The following ZC3H12B variants were observed in gnomAD, a reference collection of about 807,000 sequenced individuals.
ZC3H12B encodes probable ribonuclease ZC3H12B.
A neutral mutation model predicts 43.9 loss-of-function variants in ZC3H12B; 7 were observed. That is an observed-to-expected ratio of 0.16 (90% CI 0.09 to 0.30). ZC3H12B has a LOEUF of 0.30. Among genes scored for constraint, ZC3H12B ranks in the 10% least tolerant of loss-of-function variants. ZC3H12B has a pLI of 1.00. For missense variants in ZC3H12B, 475 were observed against 670.2 expected, an observed-to-expected ratio of 0.71 and a Z score of 3.22; for synonymous variants, 222 against 241.7, an observed-to-expected ratio of 0.92 and a Z score of 0.76.
At chrX:65,165,789 A>C in the ZC3H12B span, among the ~76,000 whole-genome samples, 1 of 112,385 alleles carries the variant, frequency 8.9e-6, no homozygotes, top group Non-Finnish European at 1.9e-5. Flanking sequence ...AGAATGATTT[A>C]TAATCTTTTG....
the ZC3H12B span, among the ~76,000 whole-genome samples, chrX:65,340,937 A>G: frequency 8.9e-6 from 1 of 112,339 alleles, no homozygotes; most frequent in Non-Finnish European, 1.9e-5. Context: ...TTGAAACCCA[A>G]TCTAAGGAAG....
intron 3 of ZC3H12B, among the ~76,000 whole-genome samples, chrX:65,467,362 C>A (rs1284364665): frequency 9.0e-6 from 1 of 110,967 alleles, no homozygotes; most frequent in Non-Finnish European, 1.9e-5. Flanking sequence ...TTGGTGGGCA[C>A]TTATGTTGGT....
chrX:65,279,514 C>G, the ZC3H12B span, among the ~76,000 whole-genome samples: 1 of 110,795 alleles, frequency 9.0e-6, no homozygotes, highest in African/African-American at 3.3e-5. Context: ...ACTGGCTAGC[C>G]ATATGCAGAA....
chrX:65,425,275 G>T (rs1193833604), intron 3 of ZC3H12B, among the ~76,000 whole-genome samples: 1 of 110,346 alleles, frequency 9.1e-6, no homozygotes, highest in Non-Finnish European at 1.9e-5. Flanking sequence ...CTTGCCTGTT[G>T]TTGATGTATA....
the ZC3H12B span, among the ~76,000 whole-genome samples, chrX:65,252,264 C>T: frequency 9.0e-6 from 1 of 111,062 alleles, no homozygotes; most frequent in African/African-American, 3.3e-5. Flanking sequence ...GTTGAACCAG[C>T]CTTGCATCCC....
the ZC3H12B span, among the ~76,000 whole-genome samples, chrX:65,236,008 G>C: frequency 3.6e-5 from 4 of 112,064 alleles, no homozygotes; most frequent in Admixed American, 3.8e-4. Flanking sequence ...GTCTTTGAAG[G>C]TGAGTCTAGC....
the ZC3H12B span, among the ~76,000 whole-genome samples, chrX:65,156,218 G>T: frequency 1.8e-5 from 2 of 110,403 alleles, no homozygotes; most frequent in Non-Finnish European, 3.8e-5. Context: ...TTAAGACAGG[G>T]TCTTGCTGTG....
chrX:65,278,564 A>G, the ZC3H12B span, among the ~76,000 whole-genome samples: 1 of 112,066 alleles, frequency 8.9e-6, no homozygotes, highest in Admixed American at 9.4e-5. Context: ...AACTAAGATG[A>G]AATAGAAAAC....
chrX:65,099,511 C>T, the ZC3H12B span, among the ~76,000 whole-genome samples: 1 of 111,640 alleles, frequency 9.0e-6, no homozygotes, highest in African/African-American at 3.3e-5. Flanking sequence ...CACTCTGGGA[C>T]AAAGCTTCCA....
At chrX:65,401,096 AAC>A (rs753110357) in intron 3 of ZC3H12B, among the ~76,000 whole-genome samples, 1 of 107,249 alleles carries the variant, frequency 9.3e-6, no homozygotes, top group African/African-American at 3.7e-5. Flanking sequence ...AAAAAAAAAA[AAC>A]ACCTTCATTA....
the ZC3H12B span, among the ~76,000 whole-genome samples, chrX:65,063,551 A>G: frequency 8.9e-6 from 1 of 112,115 alleles, no homozygotes; most frequent in Admixed American, 9.4e-5. Context: ...GTGCTCCTGG[A>G]TTCAGTTTGT....
At chrX:65,357,003 G>C in the ZC3H12B span, 1 of 517,426 alleles carries the variant, frequency 1.9e-6, no homozygotes, top group Non-Finnish European at 3.5e-6. Context: ...GTATAAAATG[G>C]ATGTTGTTAC....
the ZC3H12B span, among the ~76,000 whole-genome samples, chrX:65,215,025 T>G: frequency 9.0e-6 from 1 of 111,459 alleles, no homozygotes; most frequent in Non-Finnish European, 1.9e-5. Flanking sequence ...AAAAGAATTC[T>G]TTTTTCTAAT....
chrX:65,273,146 AT>A, the ZC3H12B span: 1 of 112,551 alleles, frequency 8.9e-6, no homozygotes, highest in African/African-American at 3.2e-5. Flanking sequence ...AATTTCCAGG[AT>A]TGGTCTTCCA....
At chrX:65,153,093 G>A in the ZC3H12B span, among the ~76,000 whole-genome samples, 1 of 111,668 alleles carries the variant, frequency 9.0e-6, no homozygotes, top group African/African-American at 3.3e-5. Flanking sequence ...CAAGATGGAT[G>A]AAACACTTAA....
chrX:65,370,632 T>A (rs1273178025), intron 2 of ZC3H12B, among the ~76,000 whole-genome samples: 1 of 111,910 alleles, frequency 8.9e-6, no homozygotes, highest in Non-Finnish European at 1.9e-5. Flanking sequence ...CAGCCTTGGG[T>A]CACATTTTCT....
At chrX:65,304,480 G>C in the ZC3H12B span, among the ~76,000 whole-genome samples, 9 of 110,308 alleles carry the variant, frequency 8.2e-5, no homozygotes, top group South Asian at 1.9e-3. Context: ...GCCGGGCGTG[G>C]TGGCGGGTGC....
the ZC3H12B span, among the ~76,000 whole-genome samples, chrX:65,138,930 T>G: frequency 8.9e-6 from 1 of 112,288 alleles, no homozygotes; most frequent in African/African-American, 3.2e-5. Context: ...ATTTTTAAAT[T>G]GGATTGTTTG....
the ZC3H12B span, among the ~76,000 whole-genome samples, chrX:65,245,401 A>G: frequency 8.9e-6 from 1 of 111,998 alleles, no homozygotes; most frequent in Non-Finnish European, 1.9e-5. Context: ...GAAAAGCTGC[A>G]GGCCAATATC....
Sources: allele counts gnomAD v4.1 joint callset (sites outside exome capture counted in the v4.1 genomes callset), GRCh38; gene constraint gnomAD v4.1.1; transcripts MANE v1.5; gene names NCBI Gene and HGNC (gene_info 2026-07-23, HGNC 2026-07-21).